Variants in CACNB2 observed in about 807,000 individuals in gnomAD.
CACNB2 encodes the protein voltage-dependent L-type calcium channel subunit beta-2.
CACNB2 carries 42 observed loss-of-function variants against 73.3 expected under a neutral mutation model. The observed-to-expected ratio is 0.57, with a 90% confidence interval of 0.45 to 0.74. The LOEUF is 0.74. CACNB2 is among the 30% of genes least tolerant of loss of function. The probability of loss-of-function intolerance (pLI) is 0.00; values close to 1 mark genes in which losing one functional copy is unlikely to be tolerated. For synonymous variants in CACNB2, 348 were observed against 310.3 expected, an observed-to-expected ratio of 1.12 and a Z score of -1.28; for missense variants, 940 against 853.0, an observed-to-expected ratio of 1.10 and a Z score of -1.27.
intron 3 of CACNB2, among the ~76,000 whole-genome samples, chr10:18,483,477 G>A (rs1332416868): frequency 2.1e-5 from 3 of 145,780 alleles, no homozygotes; most frequent in South Asian, 2.1e-4. Flanking sequence ...GTTGCAGTGA[G>A]CCAAGATCAC....
intron 2 of CACNB2, among the ~76,000 whole-genome samples, chr10:18,336,974 T>G (rs886731038): frequency 2.0e-5 from 3 of 152,212 alleles, no homozygotes; most frequent in Non-Finnish European, 4.4e-5. Context: ...AAACCACTAC[T>G]TAGTAACCCA....
intron 1 of CACNB2, among the ~76,000 whole-genome samples, chr10:18,145,579 T>A (rs554223926): frequency 2.0e-5 from 3 of 152,306 alleles, no homozygotes; most frequent in Non-Finnish European, 4.4e-5. Flanking sequence ...AAGACTCAAT[T>A]TACCTGTTGC....
chr10:18,537,771 T>C (rs1369442821), intron 12 of CACNB2, among the ~76,000 whole-genome samples: 4 of 152,094 alleles, frequency 2.6e-5, no homozygotes, highest in Admixed American at 6.5e-5. Flanking sequence ...AGTAAGACTC[T>C]GTCTCAAAAA....
intron 2 of CACNB2, among the ~76,000 whole-genome samples, chr10:18,276,671 C>G (rs2038300811): frequency 6.6e-6 from 1 of 152,128 alleles, no homozygotes; most frequent in Non-Finnish European, 1.5e-5. Context: ...GTCTGACCCC[C>G]AGGTTCAAGC....
At position 18,259,178 on chromosome 10, in the gene CACNB2, G is replaced by A. The variant is rs180976798; in HGVS notation, c.213+108203G>A. On this transcript the variant is annotated intron_variant, in intron 2 of 13. Coordinates refer to ENST00000324631, the MANE Select transcript of CACNB2 (RefSeq NM_201596.3). ...ATGGAATCATTTTGGGACCCAGTTT[G>A]TCAGTTAAATAAGGAGATTAAGGCA... 7.1e-4 allele frequency among the ~76,000 whole-genome samples: 108 copies of A among 152,244 alleles called. 1 individual carries two copies. The Middle Eastern group carries it at 0.01, about 14-fold the overall frequency.
intron 2 of CACNB2, among the ~76,000 whole-genome samples, chr10:18,332,916 T>A (rs1589063831): frequency 6.6e-6 from 1 of 152,296 alleles, no homozygotes; most frequent in Non-Finnish European, 1.5e-5. Flanking sequence ...AAATGCAGGT[T>A]ACAAGTACCA....
chr10:18,482,094 A>G (rs1169956333), intron 3 of CACNB2, among the ~76,000 whole-genome samples: 1 of 152,048 alleles, frequency 6.6e-6, no homozygotes, highest in African/African-American at 2.4e-5. Flanking sequence ...GGGTTTTGCC[A>G]TGTTGTCCAG....
At chr10:18,239,686 C>G (rs189633970) in intron 2 of CACNB2, among the ~76,000 whole-genome samples, 3 of 152,262 alleles carry the variant, frequency 2.0e-5, no homozygotes, top group Admixed American at 6.5e-5. Context: ...GTTTCATAGA[C>G]AGTTGAGTAC....
rs1298514523 is a variant in CACNB2, at chr10:18,541,710, A to T, written c.*1986A>T. On this transcript the variant is annotated 3_prime_UTR_variant, in exon 14 of 14. Transcript: ENST00000324631. ...ACCCCGTCTCTACTAAAAAGATAAAAAATTAGCCAGGTGTGGTGGTGCACA... is the reference window on the plus strand; with the variant it reads ...ACCCCGTCTCTACTAAAAAGATAAATAATTAGCCAGGTGTGGTGGTGCACA... 2 of 152,048 alleles carry T rather than the reference A, an allele frequency of 1.3e-5. No individual in the cohort carries two copies. The highest frequency in any genetic ancestry group is 2.9e-5 in the Non-Finnish European group (2 of 68,052). The allele number at this position is 152,048 out of a possible 1,614,324, so 9.4% of individuals were successfully genotyped here.
rs373321751 is a variant in CACNB2, at chr10:18,384,912, G to A, written c.214-17012G>A. On this transcript the variant is annotated intron_variant, in intron 2 of 13. Coordinates refer to ENST00000324631, the MANE Select transcript of CACNB2 (RefSeq NM_201596.3). Reference sequence around the variant, plus strand: ...TCCCCACAAGCAACCACGGTGACCAGGTTCTTGGTGTCACTCTGGCATTGT... The same window carrying A: ...TCCCCACAAGCAACCACGGTGACCAAGTTCTTGGTGTCACTCTGGCATTGT... Among the ~76,000 whole-genome samples the A allele has an allele frequency of 5.3e-5, 8 of 152,176 alleles. No individual in the cohort carries two copies. The East Asian group carries it at 9.7e-4, about 18-fold the overall frequency.
intron 2 of CACNB2, among the ~76,000 whole-genome samples, chr10:18,171,129 T>C (rs1470419945): frequency 3.3e-5 from 5 of 152,154 alleles, no homozygotes; most frequent in African/African-American, 1.2e-4. Context: ...TTAACAGCAC[T>C]GGAGATTTTG....
At chr10:18,447,887 C>G (rs947599999) in intron 3 of CACNB2, among the ~76,000 whole-genome samples, 10 of 151,828 alleles carry the variant, frequency 6.6e-5, no homozygotes, top group African/African-American at 2.4e-4. Context: ...GCCTCCAAAC[C>G]CGAGAGCTAT....
intron 2 of CACNB2, among the ~76,000 whole-genome samples, chr10:18,385,374 C>A (rs557330279): frequency 1.4e-4 from 7 of 49,090 alleles, no homozygotes; most frequent in Admixed American, 1.3e-3. Flanking sequence ...ACCCCCCCCC[C>A]TCGCCCCCCA....
intron 2 of CACNB2, among the ~76,000 whole-genome samples, chr10:18,248,945 C>G (rs2036978254): frequency 6.6e-6 from 1 of 152,176 alleles, no homozygotes; most frequent in South Asian, 2.1e-4. Flanking sequence ...ACTCTGGGCA[C>G]TGTTTTACTG....
intron 2 of CACNB2, among the ~76,000 whole-genome samples, chr10:18,358,960 T>C (rs1019025224): frequency 1.6e-4 from 24 of 152,198 alleles, no homozygotes; most frequent in African/African-American, 5.1e-4. Flanking sequence ...TTTTCTCTTA[T>C]GCAATCTTTT....
chr10:18,343,124 A>AC (rs1238438305), intron 2 of CACNB2, among the ~76,000 whole-genome samples: 2 of 152,226 alleles, frequency 1.3e-5, no homozygotes, highest in Non-Finnish European at 2.9e-5. Flanking sequence ...TATATAGATC[A>AC]GTCTAACTAG....
At chr10:18,456,644 G>T (rs2047297988) in intron 3 of CACNB2, among the ~76,000 whole-genome samples, 1 of 152,058 alleles carries the variant, frequency 6.6e-6, no homozygotes, top group Non-Finnish European at 1.5e-5. Context: ...GATCCAAACT[G>T]TATCACTTTC....
At chr10:18,338,030 CA>C (rs1408079239) in intron 2 of CACNB2, among the ~76,000 whole-genome samples, 1 of 151,964 alleles carries the variant, frequency 6.6e-6, no homozygotes, top group African/African-American at 2.4e-5. Flanking sequence ...AACATCACAC[CA>C]AAAGCTCAGG....
At chr10:18,269,559 G>T (rs949983738) in intron 2 of CACNB2, among the ~76,000 whole-genome samples, 1 of 152,170 alleles carries the variant, frequency 6.6e-6, no homozygotes, top group Non-Finnish European at 1.5e-5. Flanking sequence ...AGAAAAAATG[G>T]CTAGAGAAAT....
Sources: gnomAD v4.1 joint callset for allele counts (sites outside exome capture counted in the v4.1 genomes callset) on GRCh38, gnomAD v4.1.1 for gene constraint, MANE v1.5 for transcripts, NCBI Gene and HGNC (gene_info 2026-07-23, HGNC 2026-07-21) for gene names.